The following NEGR1 variants were observed in gnomAD, a reference collection of about 807,000 sequenced individuals.
The protein encoded by NEGR1 is neuronal growth regulator 1.
NEGR1 carries 10 observed loss-of-function variants against 40.9 expected under a neutral mutation model. The ratio of observed to expected loss-of-function variants is 0.24; its 90% CI spans 0.15 to 0.42. NEGR1 has a LOEUF of 0.42. Among genes scored for constraint, NEGR1 ranks in the 10% least tolerant of loss-of-function variants. The probability of loss-of-function intolerance (pLI) is 1.00; values close to 1 mark genes in which losing one functional copy is unlikely to be tolerated. For synonymous variants in NEGR1, 185 were observed against 166.8 expected (o/e 1.11, Z -0.84); for missense variants, 352 against 438.9 (o/e 0.80, Z 1.77).
At chr1:72,101,578 A>G (rs887232043) in intron 1 of NEGR1, among the ~76,000 whole-genome samples, 2 of 152,064 alleles carry the variant, frequency 1.3e-5, no homozygotes, top group African/African-American at 4.8e-5. Context: ...TTTTTAGGAG[A>G]CTTCTTTTTT....
intron 1 of NEGR1, among the ~76,000 whole-genome samples, chr1:72,078,344 G>A (rs2630423): frequency 0.98 from 148,869 of 152,220 alleles, 72,899 homozygotes; most frequent in Middle Eastern, 1. Flanking sequence ...TGAACACACT[G>A]TCTTTCAACC....
chr1:71,529,382 T>C (rs1325243021), intron 6 of NEGR1, among the ~76,000 whole-genome samples: 1 of 151,204 alleles, frequency 6.6e-6, no homozygotes, highest in African/African-American at 2.4e-5. Flanking sequence ...ATTGTGAATT[T>C]AATCTAGATT....
At position 71,403,954 on chromosome 1, in the gene NEGR1, C is replaced by T. The variant is rs1646261019; in HGVS notation, c.*3492G>A. Reference sequence around the variant, plus strand: ...CATACTTCAATAAATAGTTAAAAACCTGACCTCTTTTTAAATCATTTCTGG... The same window carrying T: ...CATACTTCAATAAATAGTTAAAAACTTGACCTCTTTTTAAATCATTTCTGG... On this transcript the variant is annotated 3_prime_UTR_variant, in exon 7 of 7. Transcript: ENST00000357731. The T allele has an allele frequency of 5.5e-6, 2 of 366,702 alleles. No homozygotes were observed. The highest frequency in any genetic ancestry group is 9.8e-6 in the Non-Finnish European group (2 of 203,426). 22.7% of individuals were successfully genotyped at this position (366,702 alleles called of 1,614,324 possible).
chr1:71,690,174 G>A (rs1653205807), intron 4 of NEGR1, among the ~76,000 whole-genome samples: 1 of 151,784 alleles, frequency 6.6e-6, no homozygotes, highest in African/African-American at 2.4e-5. Context: ...TCAGACATAA[G>A]CATATTTGGC....
intron 1 of NEGR1, among the ~76,000 whole-genome samples, chr1:72,170,506 G>A (rs930649929): frequency 2.0e-5 from 3 of 152,146 alleles, no homozygotes; most frequent in Non-Finnish European, 4.4e-5. Context: ...AATCTGGAAT[G>A]AGCAGCTAAA....
At chr1:71,574,969 ATTTG>A (rs1288682793) in intron 6 of NEGR1, among the ~76,000 whole-genome samples, 1 of 152,146 alleles carries the variant, frequency 6.6e-6, no homozygotes, top group African/African-American at 2.4e-5. Flanking sequence ...GAGAACAACT[ATTTG>A]TTTGTTGTTT....
At chr1:72,019,103 G>C (rs532786369) in intron 1 of NEGR1, among the ~76,000 whole-genome samples, 2 of 152,242 alleles carry the variant, frequency 1.3e-5, no homozygotes, top group Admixed American at 1.3e-4. Flanking sequence ...AGGAACAAGG[G>C]GAGAAGTCAA....
chr1:71,879,809 G>GT (rs768314999), intron 2 of NEGR1, among the ~76,000 whole-genome samples: 3 of 151,958 alleles, frequency 2.0e-5, no homozygotes, highest in Admixed American at 2.0e-4. Context: ...ATGATACTTA[G>GT]TTTTTTTGAA....
At chr1:71,949,749 C>G (rs1472425704) in intron 1 of NEGR1, among the ~76,000 whole-genome samples, 1 of 152,038 alleles carries the variant, frequency 6.6e-6, no homozygotes, top group African/African-American at 2.4e-5. Context: ...TAATTTGGAA[C>G]AAATGGAACT....
At chr1:71,942,706 T>G (rs1570535645) in intron 1 of NEGR1, among the ~76,000 whole-genome samples, 2 of 140,802 alleles carry the variant, frequency 1.4e-5, no homozygotes, top group East Asian at 2.1e-4. Flanking sequence ...GTTTCACCGT[T>G]TTAGCCGGGA....
chr1:71,967,570 A>G (rs1051914500), intron 1 of NEGR1, among the ~76,000 whole-genome samples: 5 of 152,220 alleles, frequency 3.3e-5, no homozygotes, highest in African/African-American at 1.2e-4. Flanking sequence ...TTTATCTCAA[A>G]GCAAATTAAC....
rs556166029 is a variant in NEGR1, at chr1:71,953,315, CGGTGGAAATAGTAAG to C, written c.177-18019_177-18005del. On this transcript the variant is annotated intron_variant, in intron 1 of 6. Transcript: ENST00000357731. ...TCAAAATATCAAGTGACTGGAGATG[CGGTGGAAATAGTAAG>C]ACAACTATAACTAGAAGTGGAGCCT... is the stretch of plus-strand genomic sequence containing the variant. Among the ~76,000 whole-genome samples the C allele has an allele frequency of 4.8e-3, 724 of 151,828 alleles. 7 individuals carry two copies. Among genetic ancestry groups the C allele is most frequent in the African/African-American group, 0.016 (658 of 41,488 alleles).
rs111286780 is a variant in NEGR1 at position 71,766,643 on chromosome 1, C to A, written c.535+9529G>T. On this transcript the variant is annotated intron_variant, in intron 3 of 6. Coordinates refer to ENST00000357731, the MANE Select transcript of NEGR1 (RefSeq NM_173808.3). ...CCACAAATAAGTGAATATTTTTAAACGGCTTTCAACATGCTTCTAGATTTT... is the reference window on the plus strand; with the variant it reads ...CCACAAATAAGTGAATATTTTTAAAAGGCTTTCAACATGCTTCTAGATTTT... Among the ~76,000 whole-genome samples, 415 of 152,276 alleles carry A rather than the reference C, an allele frequency of 2.7e-3. 3 individuals are homozygous for A. The highest frequency in any genetic ancestry group is 4.8e-3 in the Non-Finnish European group (325 of 68,006).
At chr1:71,932,865 A>G (rs1355987988) in intron 2 of NEGR1, among the ~76,000 whole-genome samples, 2 of 152,094 alleles carry the variant, frequency 1.3e-5, no homozygotes, top group Non-Finnish European at 2.9e-5. Flanking sequence ...CATTGAGAAG[A>G]AATGTAGCTT....
rs375131319 is a variant in NEGR1, at chr1:72,196,750, G to A, written c.176+85569C>T. 5.4e-3 allele frequency among the ~76,000 whole-genome samples: 764 copies of A among 140,724 alleles called. 7 individuals carry two copies. The highest frequency in any genetic ancestry group is 0.02 in the African/African-American group (727 of 36,450). 92.3% of individuals were successfully genotyped at this position (140,724 alleles called of 152,430 possible). ...CTGCACTTCAGCCTTGGAGTGCAAA[G>A]AGAGACTCCATTAAAAAAAAAAAAA... is the stretch of plus-strand genomic sequence containing the variant. On this transcript the variant is annotated intron_variant, in intron 1 of 6. Coordinates refer to ENST00000357731, the MANE Select transcript of NEGR1 (RefSeq NM_173808.3).
chr1:71,665,536 G>T (rs1315833015), intron 4 of NEGR1, among the ~76,000 whole-genome samples: 3 of 152,146 alleles, frequency 2.0e-5, no homozygotes, highest in Non-Finnish European at 4.4e-5. Context: ...CTTCAGCTTT[G>T]CTTGAATACT....
intron 1 of NEGR1, among the ~76,000 whole-genome samples, chr1:71,948,971 GA>G (rs199696604): frequency 1.3e-5 from 2 of 151,516 alleles, no homozygotes; most frequent in Non-Finnish European, 2.9e-5. Context: ...ACCTGAAGAG[GA>G]AAAAAAATAC....
At chr1:71,640,636 C>T (rs908281150) in intron 4 of NEGR1, among the ~76,000 whole-genome samples, 22 of 151,924 alleles carry the variant, frequency 1.4e-4, no homozygotes, top group Non-Finnish European at 2.8e-4. Flanking sequence ...CAGTATCAGA[C>T]TAGAGGAAAT....
At chr1:71,801,310 C>A (rs544519207) in intron 2 of NEGR1, among the ~76,000 whole-genome samples, 57 of 152,246 alleles carry the variant, frequency 3.7e-4, no homozygotes, top group African/African-American at 1.4e-3. Context: ...TACATTACTG[C>A]TTTAGTGAGT....
Sources: gnomAD v4.1 joint callset for allele counts (sites outside exome capture counted in the v4.1 genomes callset) on GRCh38, gnomAD v4.1.1 for gene constraint, MANE v1.5 for transcripts, NCBI Gene and HGNC (gene_info 2026-07-23, HGNC 2026-07-21) for gene names.